RIMS2: variants seen among roughly 807,000 people sequenced by gnomAD.
RIMS2 encodes regulating synaptic membrane exocytosis 2.
Under a neutral mutation model 174.4 loss-of-function variants are expected in RIMS2, and 59 were observed. That is an observed-to-expected ratio of 0.34 (90% CI 0.27 to 0.42). RIMS2 has a LOEUF of 0.42. Among genes scored for constraint, RIMS2 ranks in the 10% least tolerant of loss-of-function variants. RIMS2 has a pLI of 1.00. For synonymous variants in RIMS2, 606 were observed against 572.5 expected, an observed-to-expected ratio of 1.06 and a Z score of -0.84; for missense variants, 1,620 against 1,666.3, an observed-to-expected ratio of 0.97 and a Z score of 0.48.
At chr8:103,681,029 C>T (rs1026666460) in intron 1 of RIMS2, among the ~76,000 whole-genome samples, 6 of 151,552 alleles carry the variant, frequency 4.0e-5, no homozygotes, top group South Asian at 2.1e-4. Flanking sequence ...TAAAGAGTAA[C>T]GAATTATAAA....
chr8:103,656,645 A>G (rs1337807938), intron 1 of RIMS2, among the ~76,000 whole-genome samples: 1 of 152,234 alleles, frequency 6.6e-6, no homozygotes, highest in Admixed American at 6.5e-5. Context: ...TCTCATAACA[A>G]GAAAAATGCT....
intron 1 of RIMS2, among the ~76,000 whole-genome samples, chr8:103,539,682 T>A (rs1841609815): frequency 6.6e-6 from 1 of 152,208 alleles, no homozygotes; most frequent in African/African-American, 2.4e-5. Flanking sequence ...CAGAGAGGGC[T>A]ACACAGCTGT....
chr8:103,910,369 C>T (rs1487475214), intron 5 of RIMS2: 9 of 1,596,236 alleles, frequency 5.6e-6, no homozygotes, highest in Middle Eastern at 1.6e-4. Flanking sequence ...GCAGTTTTGT[C>T]GGACTCTAAC....
intron 1 of RIMS2, among the ~76,000 whole-genome samples, chr8:103,502,695 A>C (rs1310337480): frequency 6.6e-6 from 1 of 152,144 alleles, no homozygotes; most frequent in Non-Finnish European, 1.5e-5. Flanking sequence ...TGATATTTAA[A>C]TATGTGAACT....
chr8:104,037,408 T>A (rs186001820), intron 19 of RIMS2, among the ~76,000 whole-genome samples: 24 of 152,334 alleles, frequency 1.6e-4, no homozygotes, highest in Non-Finnish European at 2.5e-4. Context: ...CTTGTTTCTA[T>A]GAGACATAGA....
chr8:104,221,605 ATTGGACT>A (rs1240634361), intron 19 of RIMS2, among the ~76,000 whole-genome samples: 1 of 152,210 alleles, frequency 6.6e-6, no homozygotes, highest in Non-Finnish European at 1.5e-5. Context: ...CGAAAAGAAA[ATTGGACT>A]AACAGAGTTG....
At position 103,501,889 on chromosome 8, in the gene RIMS2, C is replaced by CCGGCTCTGGAA. The variant is rs531362116; in HGVS notation, c.176+829_176+839dup. ...AAAGCAGCACCCAGGCATGCGTTTA[C>CCGGCTCTGGAA]CGGCTCTGGAACTTCAGCACCAGGG... On this transcript the variant is annotated intron_variant, in intron 1 of 23. Coordinates refer to ENST00000504942, the Ensembl canonical transcript of RIMS2. Among the ~76,000 whole-genome samples the CCGGCTCTGGAA allele has an allele frequency of 1.7e-3, 258 of 152,308 alleles. 2 individuals are homozygous for CCGGCTCTGGAA. Among genetic ancestry groups the CCGGCTCTGGAA allele is most frequent in the East Asian group, 8.3e-3 (43 of 5,186 alleles).
intron 19 of RIMS2, among the ~76,000 whole-genome samples, chr8:104,093,990 A>G (rs191584642): frequency 6.6e-6 from 1 of 152,096 alleles, no homozygotes; most frequent in Non-Finnish European, 1.5e-5. Flanking sequence ...ATGAAAAATA[A>G]TATATTTTGT....
intron 19 of RIMS2, among the ~76,000 whole-genome samples, chr8:104,141,505 G>T (rs538388499): frequency 5.3e-5 from 8 of 152,256 alleles, no homozygotes; most frequent in African/African-American, 1.9e-4. Flanking sequence ...ACATAATACT[G>T]AGCTGAATCC....
chr8:103,988,660 A>G (rs900736015), intron 16 of RIMS2, among the ~76,000 whole-genome samples: 1 of 152,018 alleles, frequency 6.6e-6, no homozygotes, highest in Non-Finnish European at 1.5e-5. Context: ...GGGTTTCTCC[A>G]TGTTGGTCAG....
chr8:104,246,999 G>A (rs571676045), intron 20 of RIMS2, among the ~76,000 whole-genome samples: 16 of 151,214 alleles, frequency 1.1e-4, no homozygotes, highest in African/African-American at 3.2e-4. Flanking sequence ...TGAGTGCTGA[G>A]GGGGCAAGGG....
At chr8:103,588,137 AATTCT>A (rs1400968294) in intron 1 of RIMS2, among the ~76,000 whole-genome samples, 3 of 151,958 alleles carry the variant, frequency 2.0e-5, no homozygotes, top group Non-Finnish European at 4.4e-5. Context: ...AGAAAAAAAC[AATTCT>A]ATTTACAAAA....
intron 15 of RIMS2, among the ~76,000 whole-genome samples, chr8:103,974,832 G>A (rs1256098960): frequency 6.6e-6 from 1 of 152,058 alleles, no homozygotes; most frequent in East Asian, 1.9e-4. Context: ...GCAACATAGT[G>A]AGACCCCCAT....
intron 19 of RIMS2, among the ~76,000 whole-genome samples, chr8:104,206,213 A>G (rs1323434070): frequency 6.6e-6 from 1 of 152,178 alleles, no homozygotes; most frequent in Non-Finnish European, 1.5e-5. Flanking sequence ...GAGAGGGGTT[A>G]TTGAGTTATT....
chr8:104,199,040 C>CTTTTA (rs61341032), intron 19 of RIMS2, among the ~76,000 whole-genome samples: 13,299 of 148,414 alleles, frequency 0.09, 803 homozygotes, highest in Middle Eastern at 0.15. Context: ...TAAAATATAA[C>CTTTTA]TTTTATTTTA....
chr8:103,947,403 C>T (rs72681394), intron 14 of RIMS2, among the ~76,000 whole-genome samples: 19,326 of 152,172 alleles, frequency 0.13, 1,699 homozygotes, highest in Non-Finnish European at 0.19. Context: ...ATTGTATGAA[C>T]ATCATAGAGT....
intron 15 of RIMS2, among the ~76,000 whole-genome samples, chr8:103,961,798 A>G (rs1205102699): frequency 1.3e-5 from 2 of 152,286 alleles, no homozygotes; most frequent in African/African-American, 4.8e-5. Context: ...AACAAAATGT[A>G]TGCAAGGCAT....
intron 4 of RIMS2, among the ~76,000 whole-genome samples, chr8:103,897,056 A>G (rs77380735): frequency 0.17 from 25,119 of 151,546 alleles, 2,397 homozygotes; most frequent in Middle Eastern, 0.27. Flanking sequence ...AGCATGATAC[A>G]TACATCTTTT....
chr8:103,819,486 AG>A, intron 3 of RIMS2: 1 of 1,610,874 alleles, frequency 6.2e-7, no homozygotes, highest in Non-Finnish European at 8.5e-7. Flanking sequence ...AAATAAGAGA[AG>A]GGGAAAAAAA....
Sources: allele counts gnomAD v4.1 joint callset (sites outside exome capture counted in the v4.1 genomes callset), GRCh38; gene constraint gnomAD v4.1.1; transcripts MANE v1.5; gene names NCBI Gene and HGNC (gene_info 2026-07-23, HGNC 2026-07-21).